SYNE2: variants seen among roughly 807,000 people sequenced by gnomAD.
SYNE2 encodes spectrin repeat containing nuclear envelope protein 2, also known as nesprin-2.
SYNE2 carries 431 observed loss-of-function variants against 856.3 expected under a neutral mutation model. The observed-to-expected ratio is 0.50, with a 90% confidence interval of 0.47 to 0.55. The LOEUF is 0.55. Among genes scored for constraint, SYNE2 ranks in the 20% least tolerant of loss-of-function variants. The pLI is 0.00. For missense variants in SYNE2, 8,129 were observed against 8,023.2 expected, an observed-to-expected ratio of 1.01 and a Z score of -0.50; for synonymous variants, 2,923 against 2,872.3, an observed-to-expected ratio of 1.02 and a Z score of -0.56.
chr14:64,170,537 T>A, intron 94 of SYNE2, 75 bp downstream of exon 94: 1 of 1,436,938 alleles, frequency 7.0e-7, no homozygotes, highest in Non-Finnish European at 9.6e-7. Flanking sequence ...ACCTTTGGTT[T>A]AATGTTTTTG....
At chr14:64,196,538 A>G (rs1007196731) in intron 99 of SYNE2, among the ~76,000 whole-genome samples, 2 of 152,196 alleles carry the variant, frequency 1.3e-5, no homozygotes, top group Non-Finnish European at 2.9e-5. Flanking sequence ...CAGAGCAGAA[A>G]ACCCCCACAG....
At chr14:64,085,892 A>T (rs1305050947) in intron 57 of SYNE2, among the ~76,000 whole-genome samples, 1 of 152,172 alleles carries the variant, frequency 6.6e-6, no homozygotes, top group Non-Finnish European at 1.5e-5. Flanking sequence ...TTTTTTGTAA[A>T]ATATTCTGAA....
rs1889619492 is a variant in SYNE2, at chr14:63,830,244, T to C, written c.-304-22257T>C. On this transcript the variant is annotated intron_variant, in intron 1 of 23. Transcript: ENST00000674003. Reference sequence around the variant, plus strand: ...AGGGAGTGGGGTAGTGGTGATGGGGTGAAGGCTAAACAGTGTGAGGTTTTT... The same window carrying C: ...AGGGAGTGGGGTAGTGGTGATGGGGCGAAGGCTAAACAGTGTGAGGTTTTT... 1.4e-5 allele frequency among the ~76,000 whole-genome samples: 2 copies of C among 147,574 alleles called. 1 individual carries two copies. Among genetic ancestry groups the C allele is most frequent in the South Asian group, 4.3e-4 (2 of 4,698 alleles).
At chr14:63,817,372 T>A (rs1889033684) in intron 1 of SYNE2, among the ~76,000 whole-genome samples, 1 of 152,050 alleles carries the variant, frequency 6.6e-6, no homozygotes, top group African/African-American at 2.4e-5. Flanking sequence ...GAGGCTGTGA[T>A]GGGAGGATAG....
Position 64,001,955 on chromosome 14 carries a change from A to G in SYNE2, c.3660A>G (p.Ala1220=). The G allele has an allele frequency of 6.2e-7, 1 of 1,614,028 alleles. No homozygotes were observed. Among genetic ancestry groups the G allele is most frequent in the Non-Finnish European group, 8.5e-7 (1 of 1,179,968 alleles). ...LNTRMESLET[A]LRLVLPVEKA... ...CCAGAATGGAATCTTTAGAGACAGC[A>G]CTGCGGCTTGTGTTACCTGTAGAGA... Residue 1220 remains alanine, a synonymous_variant, in exon 29 of 116, where the codon GCA becomes GCG. Transcript: ENST00000555002.
At chr14:63,805,304 G>A (rs760547664) in intron 1 of SYNE2, among the ~76,000 whole-genome samples, 6 of 152,124 alleles carry the variant, frequency 3.9e-5, no homozygotes, top group South Asian at 4.1e-4. Flanking sequence ...AATTACTTTG[G>A]GCAGTATGAC....
intron 1 of SYNE2, among the ~76,000 whole-genome samples, chr14:63,884,608 C>T (rs547130163): frequency 2.0e-4 from 31 of 152,036 alleles, no homozygotes; most frequent in Admixed American, 9.8e-4. Context: ...GAGTTGTCCA[C>T]GTGGATGGAA....
intron 45 of SYNE2, among the ~76,000 whole-genome samples, chr14:64,047,288 G>A (rs1048206623): frequency 6.6e-6 from 1 of 152,180 alleles, no homozygotes; most frequent in Non-Finnish European, 1.5e-5. Context: ...GATAGGGAGT[G>A]TGTGCTGACT....
intron 45 of SYNE2, among the ~76,000 whole-genome samples, chr14:64,038,238 C>T (rs1358513597): frequency 6.6e-6 from 1 of 151,912 alleles, no homozygotes; most frequent in Non-Finnish European, 1.5e-5. Flanking sequence ...ACTTCCTAGA[C>T]AGGATGGCGG....
rs187040440 is a variant in SYNE2 at position 64,164,223 on chromosome 14, C to T, written c.16479+642C>T. 3.3e-5 allele frequency among the ~76,000 whole-genome samples: 5 copies of T among 152,244 alleles called. No individual in the cohort carries two copies. The East Asian group carries it at 9.6e-4, about 29-fold the overall frequency. On this transcript the variant is annotated intron_variant, in intron 89 of 115. Coordinates refer to ENST00000555002, the MANE Select transcript of SYNE2 (RefSeq NM_182914.3). ...CTCCTGGGTTTATGCCATTCTCCTG[C>T]CTCAGCCTCCCGAGTAGCTGGGACT...
intron 1 of SYNE2, among the ~76,000 whole-genome samples, chr14:63,860,087 C>T (rs1034224276): frequency 6.6e-6 from 1 of 151,950 alleles, no homozygotes; most frequent in Non-Finnish European, 1.5e-5. Context: ...GCCTCTCTGG[C>T]CCAAGTGATC....
rs59063086 is a variant in SYNE2 at position 63,948,166 on chromosome 14, T to TACACACACAC, written c.409-1636_409-1627dup. Among the ~76,000 whole-genome samples the TACACACACAC allele has an allele frequency of 3.7e-3, 548 of 147,350 alleles. 7 individuals are homozygous for TACACACACAC. Among genetic ancestry groups the TACACACACAC allele is most frequent in the East Asian group, 0.031 (157 of 5,000 alleles). ...GCACATACACACACAGACACACACA[T>TACACACACAC]ACACACACACACACACACACACACA... is the stretch of plus-strand genomic sequence containing the variant. On this transcript the variant is annotated intron_variant, in intron 6 of 115. Transcript: ENST00000555002.
At chr14:64,029,786 G>T in intron 43 of SYNE2, 109 bp from the exon 44 acceptor site, 1 of 1,305,358 alleles carries the variant, frequency 7.7e-7, no homozygotes, top group South Asian at 1.3e-5. Flanking sequence ...CCGTATTCCT[G>T]TTTCAAGATG....
chr14:63,887,846 G>A (rs1384134505), intron 1 of SYNE2, among the ~76,000 whole-genome samples: 1 of 146,414 alleles, frequency 6.8e-6, no homozygotes, highest in African/African-American at 2.6e-5. Flanking sequence ...TCCGCCTCCT[G>A]GGTTCAAGTG....
chr14:63,913,466 C>CT (rs200165004), intron 2 of SYNE2, among the ~76,000 whole-genome samples: 2,312 of 139,540 alleles, frequency 0.017, 55 homozygotes, highest in African/African-American at 0.049. Flanking sequence ...TTCTTTCTTT[C>CT]TTTTTTTTTT....
chr14:63,773,213 T>A (rs1291126771), intron 1 of SYNE2, among the ~76,000 whole-genome samples: 2 of 152,166 alleles, frequency 1.3e-5, no homozygotes, highest in Non-Finnish European at 2.9e-5. Context: ...TAAAAAAATT[T>A]TTTTTGGACA....
At chr14:63,873,219 A>G (rs1267581212) in intron 1 of SYNE2, among the ~76,000 whole-genome samples, 1 of 152,204 alleles carries the variant, frequency 6.6e-6, no homozygotes, top group Non-Finnish European at 1.5e-5. Flanking sequence ...GAAGTACATA[A>G]GTAGAATTGT....
chr14:64,059,440 G>T (rs1030218864), intron 49 of SYNE2, among the ~76,000 whole-genome samples: 1 of 152,190 alleles, frequency 6.6e-6, no homozygotes, highest in Admixed American at 6.5e-5. Flanking sequence ...CTACCACCTT[G>T]GTGGTCTTGT....
At chr14:63,889,896 A>G (rs1370833859) in intron 1 of SYNE2, among the ~76,000 whole-genome samples, 4 of 152,144 alleles carry the variant, frequency 2.6e-5, no homozygotes, top group Non-Finnish European at 5.9e-5. Context: ...ACAACCGTGT[A>G]TTAATATGAT....
Sources: allele counts gnomAD v4.1 joint callset (sites outside exome capture counted in the v4.1 genomes callset), GRCh38; gene constraint gnomAD v4.1.1; transcripts MANE v1.5; gene names NCBI Gene and HGNC (gene_info 2026-07-23, HGNC 2026-07-21).